The following TTYH3 variants were observed in gnomAD, a reference collection of about 807,000 sequenced individuals.
TTYH3 encodes protein tweety homolog 3.
A neutral mutation model predicts 68.2 loss-of-function variants in TTYH3; 23 were observed. The ratio of observed to expected loss-of-function variants is 0.34; its 90% CI spans 0.24 to 0.48. TTYH3 has a LOEUF of 0.48. TTYH3 is among the 20% of genes least tolerant of loss of function. TTYH3 has a pLI of 0.99. For missense variants in TTYH3, 768 were observed against 727.7 expected (o/e 1.06, Z -0.64); for synonymous variants, 360 against 332.8 (o/e 1.08, Z -0.89).
intron 9 of TTYH3, 79 bp from the exon 10 acceptor site, chr7:2,656,013 G>A: frequency 8.6e-7 from 1 of 1,159,708 alleles, no homozygotes; most frequent in Non-Finnish European, 1.2e-6. Flanking sequence ...AGACCTGGGG[G>A]CTTCCCAGAT....
chr7:2,649,754 C>T lies in TTYH3; in HGVS notation c.795+115C>T, dbSNP rs1212147066. On this transcript the variant is annotated intron_variant, in intron 6 of 13. Transcript: ENST00000258796. ...CTTCCCGGGCACTGGGTCCCGAGAG[C>T]GGTGGGGACCCACCATGGGCACAGT... The T allele has an allele frequency of 3.0e-5, 43 of 1,448,316 alleles. 1 individual carries two copies. The highest frequency in any genetic ancestry group is 2.1e-4 in the South Asian group (18 of 83,748). The allele number at this position is 1,448,316 out of a possible 1,614,324, so 89.7% of individuals were successfully genotyped here. A position where few individuals can be genotyped will look rare whatever the true frequency, so the allele number is the denominator to read the frequency against.
At chr7:2,658,560 G>A in intron 12 of TTYH3, 101 bp downstream of exon 12, 1 of 1,411,142 alleles carries the variant, frequency 7.1e-7, no homozygotes, top group South Asian at 1.4e-5. Flanking sequence ...CTGGAGAAGG[G>A]GCGGCCTCCG....
intron 1 of TTYH3, among the ~76,000 whole-genome samples, chr7:2,638,253 G>A (rs1258490101): frequency 1.3e-5 from 2 of 152,162 alleles, no homozygotes; most frequent in Non-Finnish European, 2.9e-5. Flanking sequence ...CAAGTGGGAA[G>A]AGCAGGGGAT....
intron 1 of TTYH3, among the ~76,000 whole-genome samples, chr7:2,634,931 G>A (rs1311593662): frequency 1.3e-5 from 2 of 152,134 alleles, no homozygotes; most frequent in East Asian, 3.9e-4. Flanking sequence ...CGGCTGCCTT[G>A]CCGCTGGGGG....
At chr7:2,644,681 C>T (rs1328347618) in intron 1 of TTYH3, among the ~76,000 whole-genome samples, 1 of 152,176 alleles carries the variant, frequency 6.6e-6, no homozygotes, top group African/African-American at 2.4e-5. Flanking sequence ...CCCTGATGCT[C>T]TGCAGTGCCC....
At chr7:2,639,834 G>A (rs888758142) in intron 1 of TTYH3, among the ~76,000 whole-genome samples, 2 of 152,178 alleles carry the variant, frequency 1.3e-5, no homozygotes, top group South Asian at 2.1e-4. Flanking sequence ...CACGAGGGGC[G>A]GGGCAGGGCT....
intron 5 of TTYH3, 30 bp downstream of exon 5, chr7:2,648,084 G>T: frequency 6.3e-7 from 1 of 1,593,134 alleles, no homozygotes; most frequent in Non-Finnish European, 8.5e-7. Context: ...CCCCCCGTGG[G>T]CCCAAAGCGG....
At chr7:2,642,370 C>T (rs1424957762) in intron 1 of TTYH3, among the ~76,000 whole-genome samples, 1 of 151,544 alleles carries the variant, frequency 6.6e-6, no homozygotes, top group South Asian at 2.1e-4. Flanking sequence ...GTGAACTCCC[C>T]GTCTCTACTA....
intron 1 of TTYH3, among the ~76,000 whole-genome samples, chr7:2,634,224 G>A (rs10228022): frequency 0.048 from 7,253 of 152,274 alleles, 542 homozygotes; most frequent in African/African-American, 0.16. Context: ...CGTGCGTCCT[G>A]CCCCTGCCCT....
intron 9 of TTYH3, 26 bp downstream of exon 9, chr7:2,653,036 G>A (rs1157636595): frequency 2.6e-6 from 4 of 1,536,448 alleles, no homozygotes; most frequent in Non-Finnish European, 3.5e-6. Context: ...GTAGGCACTG[G>A]GGCAGGCAGG....
chr7:2,647,093 G>GGTGT (rs771891850), intron 2 of TTYH3, 49 bp from the exon 3 acceptor site: 7 of 1,544,486 alleles, frequency 4.5e-6, no homozygotes, highest in Admixed American at 1.9e-5. Flanking sequence ...GCTGGAGTGG[G>GGTGT]GTGTGTGTGG....
chr7:2,653,102 A>G lies in TTYH3; in HGVS notation c.1020+92A>G, dbSNP rs1055214823. The G allele has an allele frequency of 2.4e-6, 3 of 1,229,430 alleles. No homozygotes were observed. The African/African-American group carries it at 4.5e-5, about 18-fold the overall frequency. 76.2% of individuals were successfully genotyped at this position (1,229,430 alleles called of 1,614,324 possible). A position where few individuals can be genotyped will look rare whatever the true frequency, so the allele number is the denominator to read the frequency against. On this transcript the variant is annotated intron_variant, in intron 9 of 13. Coordinates refer to ENST00000258796, the MANE Select transcript of TTYH3 (RefSeq NM_025250.3). ...GTGGTGCAAACACAGCTCAGGGCAA[A>G]TTTGGAGAAGGCACCAGGCTGGCCG...
intron 1 of TTYH3, among the ~76,000 whole-genome samples, chr7:2,636,558 C>T (rs151273475): frequency 1.5e-4 from 23 of 152,298 alleles, no homozygotes; most frequent in Non-Finnish European, 2.8e-4. Context: ...CGGAGGCCCC[C>T]GGGGAGCTGG....
In TTYH3 at chr7:2,634,445, G is replaced by T. The variant is rs1046417000; in HGVS notation, c.123+2167G>T. Among the ~76,000 whole-genome samples the T allele has an allele frequency of 5.3e-5, 8 of 152,168 alleles. No homozygotes were observed. The East Asian group carries it at 5.8e-4, about 11-fold the overall frequency. Reference sequence around the variant, plus strand: ...CTGGTGAGGAGTTGCTGGCTGTAGTGGGGGGTGGACCCCTCACCCATCCTG... The same window carrying T: ...CTGGTGAGGAGTTGCTGGCTGTAGTTGGGGGTGGACCCCTCACCCATCCTG... On this transcript the variant is annotated intron_variant, in intron 1 of 13. Transcript: ENST00000258796.
intron 4 of TTYH3, 49 bp from the exon 5 acceptor site, chr7:2,647,910 C>T (rs758881942): frequency 6.3e-7 from 1 of 1,595,746 alleles, no homozygotes; most frequent in South Asian, 1.1e-5. Flanking sequence ...CGCCCCACTC[C>T]CAGGCCCCGG....
intron 11 of TTYH3, among the ~76,000 whole-genome samples, chr7:2,657,737 A>G (rs537447282): frequency 5.3e-5 from 8 of 152,354 alleles, no homozygotes; most frequent in African/African-American, 1.9e-4. Context: ...TGCGCAGCCA[A>G]AAGCTACCAC....
chr7:2,641,193 G>A (rs1785831819), intron 1 of TTYH3, among the ~76,000 whole-genome samples: 1 of 152,214 alleles, frequency 6.6e-6, no homozygotes, highest in Non-Finnish European at 1.5e-5. Context: ...GGTATACTGG[G>A]ATCCTATCGG....
chr7:2,639,095 T>G (rs946951130), intron 1 of TTYH3, among the ~76,000 whole-genome samples: 1 of 152,060 alleles, frequency 6.6e-6, no homozygotes, highest in Non-Finnish European at 1.5e-5. Context: ...CCAGCCAGCC[T>G]CTCAGACACC....
At chr7:2,643,769 G>C (rs949950150) in intron 1 of TTYH3, among the ~76,000 whole-genome samples, 4 of 152,128 alleles carry the variant, frequency 2.6e-5, no homozygotes, top group African/African-American at 7.2e-5. Context: ...CTGATGCCCC[G>C]AGCTCTGGGT....
Sources: gnomAD v4.1 joint callset for allele counts (sites outside exome capture counted in the v4.1 genomes callset) on GRCh38, gnomAD v4.1.1 for gene constraint, MANE v1.5 for transcripts, NCBI Gene and HGNC (gene_info 2026-07-23, HGNC 2026-07-21) for gene names.